Variants in UNC79 observed in about 807,000 individuals in gnomAD.
UNC79 encodes the protein protein unc-79 homolog.
A neutral mutation model predicts 283.1 loss-of-function variants in UNC79; 37 were observed. That is an observed-to-expected ratio of 0.13 (90% confidence interval 0.10 to 0.17). UNC79 has a LOEUF of 0.17. Ranked by LOEUF, UNC79 falls within the 10% of genes least tolerant of loss-of-function variation. The pLI is 1.00. For synonymous variants in UNC79, 1,107 were observed against 1,200.2 expected (o/e 0.92, Z 1.61); for missense variants, 2,272 against 3,211.1 (o/e 0.71, Z 7.07).
At chr14:93,516,938 C>T (rs1195542167) in intron 7 of UNC79, among the ~76,000 whole-genome samples, 1 of 151,902 alleles carries the variant, frequency 6.6e-6, no homozygotes, top group Non-Finnish European at 1.5e-5. Context: ...GTTAAAGGTG[C>T]TCCTAAATAT....
In UNC79 at chr14:93,617,509, A is replaced by T. The variant is rs1455960027; in HGVS notation, c.4224+205A>T. 6.6e-6 allele frequency among the ~76,000 whole-genome samples: 1 copy of T among 152,212 alleles called. No homozygotes were observed. Among genetic ancestry groups the T allele is most frequent in the Non-Finnish European group, 1.5e-5 (1 of 68,036 alleles). ...GAGGCCCTGTTAATATATGCTCTAA[A>T]AATGTTTAAAACAAAGAATGATAAA... On this transcript the variant is annotated intron_variant, in intron 28 of 48. Coordinates refer to ENST00000555664, the Ensembl canonical transcript of UNC79. This position sits in a 1 kb window ranked among gnomAD's most constrained non-coding sequence, Gnocchi z 4.5.
intron 44 of UNC79, chr14:93,689,810 A>C: frequency 3.4e-6 from 1 of 290,650 alleles, no homozygotes; most frequent in South Asian, 8.1e-5. Flanking sequence ...AAATTTCTAA[A>C]GGCAGGAGTG....
chr14:93,584,863 GTT>G (rs750489858), intron 20 of UNC79, among the ~76,000 whole-genome samples: 7 of 140,226 alleles, frequency 5.0e-5, no homozygotes, highest in Non-Finnish European at 6.3e-5. Context: ...CTCTGGCTAA[GTT>G]TTTTTTTTTT....
chr14:93,622,127 C>A (rs1446640543), exon 30 of UNC79: 1 of 1,614,136 alleles, frequency 6.2e-7, no homozygotes, highest in Admixed American at 1.7e-5. Context: ...CAGCGACTCT[C>A]TTGTATTTGA....
At chr14:93,471,982 C>T (rs1488024364) in intron 2 of UNC79, among the ~76,000 whole-genome samples, 1 of 151,918 alleles carries the variant, frequency 6.6e-6, no homozygotes, top group Admixed American at 6.6e-5. Flanking sequence ...GTGTTTATTT[C>T]CCCCACCAAG....
intron 38 of UNC79, 127 bp downstream of exon 41, chr14:93,655,534 T>C: frequency 8.9e-7 from 1 of 1,122,704 alleles, no homozygotes; most frequent in Non-Finnish European, 1.3e-6. Flanking sequence ...CCGTCAGCCA[T>C]GGAGTGAGGA....
In UNC79 at chr14:93,652,302, AC is replaced by A. The variant is rs1003170702; in HGVS notation, c.6084-1437del. The stretch of plus-strand genomic sequence containing the variant: ...TGTTGAGGCAGGGTCTTGCTCTATC[AC>A]CCAGGCTGGAGTGCAGTGGCACCAT... On this transcript the variant is annotated intron_variant, in intron 35 of 48. Transcript: ENST00000555664. 1.6e-3 allele frequency among the ~76,000 whole-genome samples: 245 copies of A among 151,632 alleles called. 1 individual carries two copies. Among genetic ancestry groups the A allele is most frequent in the African/African-American group, 5.2e-3 (216 of 41,338 alleles).
chr14:93,420,016 T>C lies in UNC79; in HGVS notation c.-350-47655T>C, dbSNP rs2140068139. On this transcript the variant is annotated intron_variant, in intron 1 of 49. Coordinates refer to the UNC79 transcript ENST00000256339. ...AATCGTACCACCAGAGAAAATTATC[T>C]TCCCTAAAAGGAAGACAGGAATGAA... 1.3e-5 allele frequency among the ~76,000 whole-genome samples: 2 copies of C among 151,596 alleles called. 1 individual carries two copies.
At chr14:93,643,928 A>G (rs2069317798) in intron 34 of UNC79, among the ~76,000 whole-genome samples, 1 of 152,216 alleles carries the variant, frequency 6.6e-6, no homozygotes, top group Non-Finnish European at 1.5e-5. Context: ...GGGCAACTGC[A>G]CTAAGGAAAC....
rs1314071934 is a variant in UNC79, at chr14:93,634,571, C to G, written c.5717-2645C>G. 1.6e-5 allele frequency: 26 copies of G among 1,614,018 alleles called. No individual in the cohort carries two copies. In the East Asian group the frequency reaches 5.8e-4, roughly 36 times the overall value. On this transcript the variant is annotated intron_variant, in intron 31 of 48. Coordinates refer to ENST00000555664, the Ensembl canonical transcript of UNC79. ...ATCCCTGGGAGTTCTGACAATGAGC[C>G]AGTTAATGAAGCGGCAGCTGGAGCA...
intron 1 of UNC79, among the ~76,000 whole-genome samples, chr14:93,414,744 A>G (rs1040122368): frequency 1.4e-4 from 21 of 152,232 alleles, no homozygotes; most frequent in Non-Finnish European, 2.5e-4. Flanking sequence ...GGTCCTTCAC[A>G]TCCCTTGTAA....
chr14:93,579,426 A>T (rs1021359230), intron 18 of UNC79, among the ~76,000 whole-genome samples: 3 of 152,156 alleles, frequency 2.0e-5, no homozygotes, highest in Non-Finnish European at 2.9e-5. Flanking sequence ...TTCCAATTCC[A>T]TCATTTCTTC....
intron 1 of UNC79, among the ~76,000 whole-genome samples, chr14:93,404,493 A>AAAATATAT: frequency 3.3e-5 from 2 of 61,498 alleles, no homozygotes; most frequent in African/African-American, 6.7e-5. Context: ...TTCTAAAAAA[A>AAAATATAT]ATATATATAT....
At chr14:93,682,290 A>T (rs1431673954) in intron 41 of UNC79, among the ~76,000 whole-genome samples, 2 of 152,260 alleles carry the variant, frequency 1.3e-5, no homozygotes, top group Non-Finnish European at 2.9e-5. Context: ...TGCTTACAGT[A>T]ACTGTCAAGA....
chr14:93,678,733 A>G (rs947625085), intron 41 of UNC79, among the ~76,000 whole-genome samples: 1 of 152,244 alleles, frequency 6.6e-6, no homozygotes. Flanking sequence ...TTGTTTACGT[A>G]TAAAGTTTTT....
At chr14:93,659,660 A>C (rs1004241776) in intron 39 of UNC79, among the ~76,000 whole-genome samples, 2 of 152,120 alleles carry the variant, frequency 1.3e-5, no homozygotes, top group African/African-American at 4.8e-5. Flanking sequence ...CACCTTTCCA[A>C]TTTAATCTTT....
chr14:93,614,846 C>T (rs962239541), intron 27 of UNC79, among the ~76,000 whole-genome samples: 6 of 152,140 alleles, frequency 3.9e-5, no homozygotes, highest in African/African-American at 1.4e-4. Flanking sequence ...CTCCCAATGC[C>T]TCACTACCCC....
At chr14:93,431,772 G>C (rs1503963) in intron 1 of UNC79, among the ~76,000 whole-genome samples, 21 of 151,904 alleles carry the variant, frequency 1.4e-4, no homozygotes, top group Admixed American at 3.3e-4. Flanking sequence ...GACTGACTGT[G>C]TGCGTGGTTG....
chr14:93,530,826 G>A (rs1277238832), intron 10 of UNC79, among the ~76,000 whole-genome samples: 1 of 151,792 alleles, frequency 6.6e-6, no homozygotes, highest in Non-Finnish European at 1.5e-5. Flanking sequence ...GGAGAATGGC[G>A]TGAACCTTTG....
Sources: gnomAD v4.1 joint callset for allele counts (sites outside exome capture counted in the v4.1 genomes callset) on GRCh38, gnomAD v4.1.1 for gene constraint, Gnocchi (gnomAD v3.1) non-coding constraint, MANE v1.5 for transcripts, NCBI Gene and HGNC (gene_info 2026-07-23, HGNC 2026-07-21) for gene names.